ZNF142: variants seen among roughly 807,000 people sequenced by gnomAD.
The protein encoded by ZNF142 is zinc finger protein 142, also known as zinc finger protein 142 (clone pHZ-49).
In ZNF142, 96 loss-of-function variants were observed where a neutral mutation model predicts 132.1. The ratio of observed to expected loss-of-function variants is 0.73; its 90% CI spans 0.62 to 0.86. The LOEUF is 0.86. Among genes scored for constraint, ZNF142 ranks in the 40% least tolerant of loss-of-function variants. ZNF142 has a pLI of 0.00. For missense variants in ZNF142, 2,163 were observed against 2,336.2 expected (o/e 0.93, Z 1.53); for synonymous variants, 842 against 890.1 (o/e 0.95, Z 0.96).
Position 218,636,171 on chromosome 2 carries a change from A to T in ZNF142, c.*2168T>A. The T allele has an allele frequency of 6.6e-7, 1 of 1,514,294 alleles. No homozygotes were observed. The highest frequency in any genetic ancestry group is 9.1e-7 in the Non-Finnish European group (1 of 1,094,990). 93.8% of individuals were successfully genotyped at this position (1,514,294 alleles called of 1,614,324 possible). A position where few individuals can be genotyped will look rare whatever the true frequency, so the allele number is the denominator to read the frequency against. On this transcript the variant is annotated 3_prime_UTR_variant, in exon 11 of 11. Transcript: ENST00000411696. ...CTGATTGCCATCTAGATTAAATGAG[A>T]ACACAAGAAAAGCAACCCAGTCAAG...
At position 218,638,010 on chromosome 2, in the gene ZNF142, G is replaced by A; in HGVS notation, c.*329C>T. ...AAGATTCTGAAAGAAAATAGGAATTGACACAGTAAGAAGGAAAGAGAAGAT... is the reference window on the plus strand; with the variant it reads ...AAGATTCTGAAAGAAAATAGGAATTAACACAGTAAGAAGGAAAGAGAAGAT... On this transcript the variant is annotated 3_prime_UTR_variant, in exon 11 of 11. Transcript: ENST00000411696. 1 of 238,196 alleles carries A rather than the reference G, an allele frequency of 4.2e-6. No individual in the cohort carries two copies. Among genetic ancestry groups the A allele is most frequent in the Non-Finnish European group, 8.0e-6 (1 of 124,472 alleles). 14.8% of individuals were successfully genotyped at this position (238,196 alleles called of 1,614,324 possible).
Position 218,652,200 on chromosome 2 carries a change from A to G in ZNF142, c.381T>C (p.His127=), listed in dbSNP as rs1938071847. ...LLALHQCSET[H]IQPVQGLSSP... is the part of the protein sequence containing the mutation. ...TAGAGAGGCCCTGCACAGGCTGTAT[A>G]TGGGTCTCACTGCACTGGTGCAGGG... Residue 127 remains histidine, a synonymous_variant, in exon 5 of 11, where the codon CAT becomes CAC. Coordinates refer to ENST00000411696, the MANE Select transcript of ZNF142 (RefSeq NM_001379659.1). 2.2e-6 allele frequency: 1 copy of G among 456,702 alleles called. No individual in the cohort carries two copies. Among genetic ancestry groups the G allele is most frequent in the Admixed American group, 2.3e-5 (1 of 42,568 alleles). The allele number at this position is 456,702 out of a possible 1,614,324, so 28.3% of individuals were successfully genotyped here. A position where few individuals can be genotyped will look rare whatever the true frequency, so the allele number is the denominator to read the frequency against.
intron 7 of ZNF142, among the ~76,000 whole-genome samples, chr2:218,646,584 CT>C (rs998254652): frequency 1.2e-3 from 174 of 146,052 alleles, no homozygotes; most frequent in Middle Eastern, 3.6e-3. Flanking sequence ...CCAAGCTTTT[CT>C]TTTTTTTTTT....
At chr2:218,647,474 C>T (rs1697847536) in intron 7 of ZNF142, among the ~76,000 whole-genome samples, 1 of 134,010 alleles carries the variant, frequency 7.5e-6, no homozygotes, top group Non-Finnish European at 1.6e-5. Flanking sequence ...CCTTAAGAGG[C>T]AGGTGCTATT....
At chr2:218,641,636 C>T (rs1236483538) in intron 9 of ZNF142, among the ~76,000 whole-genome samples, 1 of 151,704 alleles carries the variant, frequency 6.6e-6, no homozygotes, top group Non-Finnish European at 1.5e-5. Context: ...AATTCCTAGG[C>T]TCAAGCAATC....
chr2:218,649,186 A>G lies in ZNF142; in HGVS notation c.1322T>C (p.Met441Thr). The G allele has an allele frequency of 6.2e-7, 1 of 1,614,234 alleles. No individual in the cohort carries two copies. The highest frequency in any genetic ancestry group is 8.5e-7 in the Non-Finnish European group (1 of 1,180,040). ...RNALNRHMAS[M>T]HEDISNFYSD... ...GTAGAAGTTGGAAATATCTTCATGC[A>G]TGCTGGCCATGTGGCGGTTGAGTGC... The change falls in exon 7 of 11, where the codon ATG (methionine) becomes ACG (threonine). Residue 441 changes from methionine (M) to threonine (T), a missense_variant. Around this residue, in one of 7 missense-constraint regions of ZNF142, gnomAD observed 749 missense variants for 830.3 expected, o/e 0.90. Transcript: ENST00000411696.
At position 218,636,058 on chromosome 2, in the gene ZNF142, C is replaced by A; in HGVS notation, c.*2281G>T. On this transcript the variant is annotated 3_prime_UTR_variant, in exon 11 of 11. Transcript: ENST00000411696. ...ACATGGGAGGCAGTGTGGAACAGTACAAAGAATCCTGGCTCTTCACTTAAA... is the reference window on the plus strand; with the variant it reads ...ACATGGGAGGCAGTGTGGAACAGTAAAAAGAATCCTGGCTCTTCACTTAAA... The A allele has an allele frequency of 2.0e-6, 3 of 1,469,992 alleles. No individual in the cohort carries two copies. The highest frequency in any genetic ancestry group is 2.3e-5 in the East Asian group (1 of 43,702). 91.1% of individuals were successfully genotyped at this position (1,469,992 alleles called of 1,614,324 possible).
rs563198970 is a variant in ZNF142 at position 218,634,723 on chromosome 2, G to A, written c.*3616C>T. ...TAGGCCTGACCGGAATGTAGAGGCCGGATAGCCTATTAACAGTGTCTAGTT... is the reference window on the plus strand; with the variant it reads ...TAGGCCTGACCGGAATGTAGAGGCCAGATAGCCTATTAACAGTGTCTAGTT... On this transcript the variant is annotated 3_prime_UTR_variant, in exon 11 of 11. Coordinates refer to ENST00000411696, the MANE Select transcript of ZNF142 (RefSeq NM_001379659.1). This position sits in a 1 kb window ranked among gnomAD's most constrained non-coding sequence, Gnocchi z 4.0. 33 of 1,395,590 alleles carry A rather than the reference G, an allele frequency of 2.4e-5. No individual in the cohort carries two copies. Among genetic ancestry groups the A allele is most frequent in the African/African-American group, 2.2e-4 (15 of 69,450 alleles). 86.5% of individuals were successfully genotyped at this position (1,395,590 alleles called of 1,614,324 possible).
intron 4 of ZNF142, 43 bp downstream of exon 4, chr2:218,656,105 TCA>T (rs767472890): frequency 2.7e-6 from 4 of 1,459,772 alleles, no homozygotes; most frequent in Non-Finnish European, 9.1e-7. Context: ...AGACAAAACC[TCA>T]GAGCTGCTTG....
rs547165464 is a variant in ZNF142, at chr2:218,640,392, C to T, written c.5194+272G>A. 2.0e-5 allele frequency among the ~76,000 whole-genome samples: 3 copies of T among 152,264 alleles called. No homozygotes were observed. In the East Asian group the frequency reaches 5.8e-4, roughly 29 times the overall value. Reference sequence around the variant, plus strand: ...CATACAAGTTTGAGTTGGGGGTTCTCAAGAGGGGAAAAATGACTGACTTCG... The same window carrying T: ...CATACAAGTTTGAGTTGGGGGTTCTTAAGAGGGGAAAAATGACTGACTTCG... On this transcript the variant is annotated intron_variant, in intron 10 of 10. Coordinates refer to ENST00000411696, the MANE Select transcript of ZNF142 (RefSeq NM_001379659.1).
At chr2:218,646,931 A>G (rs1697779515) in intron 7 of ZNF142, among the ~76,000 whole-genome samples, 1 of 151,942 alleles carries the variant, frequency 6.6e-6, no homozygotes, top group Non-Finnish European at 1.5e-5. Context: ...GATTTGTTTT[A>G]CAGCTTGCTG....
Position 218,642,047 on chromosome 2 carries a change from G to A in ZNF142, c.5069C>T (p.Ala1690Val), listed in dbSNP as rs1354705565. Residue 1690 changes from alanine (A) to valine (V), a missense_variant, in exon 9 of 11, where the codon GCT becomes GTT. Coordinates refer to ENST00000411696, the MANE Select transcript of ZNF142 (RefSeq NM_001379659.1). This position sits in a 1 kb window ranked among gnomAD's most constrained non-coding sequence, Gnocchi z 4.6. Reference sequence around the variant, plus strand: ...CATTACCTTGAGACGAGAGGGATCAGCACAGGCATAGGGGCAGAGGTGACA... The same window carrying A: ...CATTACCTTGAGACGAGAGGGATCAACACAGGCATAGGGGCAGAGGTGACA... ...YHCHLCPYAC[A>V]DPSRLKYHMR... 1.2e-6 allele frequency: 2 copies of A among 1,614,074 alleles called. No homozygotes were observed. The highest frequency in any genetic ancestry group is 2.2e-5 in the East Asian group (1 of 44,868).
In ZNF142 at chr2:218,633,461, T is replaced by A. The variant is rs1427239369; in HGVS notation, c.*4878A>T. The A allele has an allele frequency of 1.0e-6, 1 of 967,492 alleles. No homozygotes were observed. Among genetic ancestry groups the A allele is most frequent in the Admixed American group, 2.0e-5 (1 of 50,918 alleles). 59.9% of individuals were successfully genotyped at this position (967,492 alleles called of 1,614,324 possible). A position where few individuals can be genotyped will look rare whatever the true frequency, so the allele number is the denominator to read the frequency against. On this transcript the variant is annotated 3_prime_UTR_variant, in exon 11 of 11. Coordinates refer to ENST00000411696, the MANE Select transcript of ZNF142 (RefSeq NM_001379659.1). ...CCAGGCTCCTATTTCCAAGCCTGAG[T>A]CCCTTCTCTTGTCCCGGCAGGTGAG...
rs1178892931 is a variant in ZNF142, at chr2:218,634,118, G to A, written c.*4221C>T. 6.2e-7 allele frequency: 1 copy of A among 1,610,944 alleles called. No homozygotes were observed. The highest frequency in any genetic ancestry group is 8.5e-7 in the Non-Finnish European group (1 of 1,178,570). On this transcript the variant is annotated 3_prime_UTR_variant, in exon 11 of 11. Coordinates refer to ENST00000411696, the MANE Select transcript of ZNF142 (RefSeq NM_001379659.1). The surrounding 1 kb of genome is among the most constrained non-coding windows in gnomAD (Gnocchi z 4.0). Reference sequence around the variant, plus strand: ...ACCCTTTTACAGGCAATGAGTTTGTGCAGCACAATACTTGGCAGTTAAGCC... The same window carrying A: ...ACCCTTTTACAGGCAATGAGTTTGTACAGCACAATACTTGGCAGTTAAGCC...
Position 218,635,789 on chromosome 2 carries a change from A to G in ZNF142, c.*2550T>C. Reference sequence around the variant, plus strand: ...GAACTTGTGAGATTCCAGAGCCCTGACTACAGGTGATCAGCGGTCAGCAAC... The same window carrying G: ...GAACTTGTGAGATTCCAGAGCCCTGGCTACAGGTGATCAGCGGTCAGCAAC... On this transcript the variant is annotated 3_prime_UTR_variant, in exon 11 of 11. Transcript: ENST00000411696. 1 of 1,610,918 alleles carries G rather than the reference A, an allele frequency of 6.2e-7. No individual in the cohort carries two copies.
At chr2:218,657,984 T>C (rs570847581) in intron 3 of ZNF142, among the ~76,000 whole-genome samples, 9 of 152,342 alleles carry the variant, frequency 5.9e-5, no homozygotes, top group East Asian at 3.9e-4. Context: ...TGGAGCTGCA[T>C]TGGAGTAAAG....
chr2:218,642,823 G>A lies in ZNF142; in HGVS notation c.4293C>T (p.Ser1431=). The A allele has an allele frequency of 6.2e-7, 1 of 1,614,198 alleles. No homozygotes were observed. The highest frequency in any genetic ancestry group is 8.5e-7 in the Non-Finnish European group (1 of 1,180,048). Residue 1431 remains serine (S), a synonymous_variant, in exon 9 of 11, where the codon AGC becomes AGT. Coordinates refer to ENST00000411696, the MANE Select transcript of ZNF142 (RefSeq NM_001379659.1). The surrounding 1 kb of genome is among the most constrained non-coding windows in gnomAD (Gnocchi z 4.6). ...TGGTACCAAACGTCTGGGGGCAAGAGCTGCAGGGGATGCGGCCAATGCCTG... is the reference window on the plus strand; with the variant it reads ...TGGTACCAAACGTCTGGGGGCAAGAACTGCAGGGGATGCGGCCAATGCCTG... ...RHTGIGRIPC[S]SCPQTFGTNS...
intron 6 of ZNF142, 150 bp downstream of exon 6, chr2:218,650,209 C>T: frequency 1.1e-6 from 1 of 915,652 alleles, no homozygotes; most frequent in Non-Finnish European, 1.7e-6. Flanking sequence ...TATCATTTTC[C>T]CACTAGACCT....
intron 7 of ZNF142, among the ~76,000 whole-genome samples, chr2:218,647,946 C>T (rs1196003515): frequency 6.6e-6 from 1 of 152,202 alleles, no homozygotes; most frequent in East Asian, 1.9e-4. Context: ...AAAGCATGTA[C>T]AGGAATGAGT....
Sources: gnomAD v4.1 joint callset for allele counts (sites outside exome capture counted in the v4.1 genomes callset) on GRCh38, gnomAD v4.1.1 for gene constraint, gnomAD v4.1.1 regional missense constraint, Gnocchi (gnomAD v3.1) non-coding constraint, MANE v1.5 for transcripts, NCBI Gene and HGNC (gene_info 2026-07-23, HGNC 2026-07-21) for gene names.